The following ASTE1 variants were observed in gnomAD, a reference collection of about 807,000 sequenced individuals.
ASTE1 encodes asteroid structure-specific endonuclease 1.
ASTE1 carries 49 observed loss-of-function variants against 45.8 expected under a neutral mutation model. The observed-to-expected ratio is 1.07, with a 90% CI of 0.85 to 1.36. ASTE1 has a LOEUF of 1.36. Ranked by LOEUF, ASTE1 falls within the 40% of genes most tolerant of loss-of-function variation. The pLI is 0.00. For missense variants in ASTE1, 709 were observed against 804.0 expected (o/e 0.88, Z 1.43); for synonymous variants, 296 against 303.9 (o/e 0.97, Z 0.27).
At chr3:131,018,484 C>T in intron 4 of ASTE1, 22 bp downstream of exon 4, 1 of 1,604,114 alleles carries the variant, frequency 6.2e-7, no homozygotes, top group South Asian at 1.1e-5. Context: ...ACAATATACT[C>T]CTGTAATTTC....
intron 1 of ASTE1, among the ~76,000 whole-genome samples, chr3:131,025,835 T>C (rs764974433): frequency 2.6e-5 from 4 of 152,250 alleles, no homozygotes; most frequent in Admixed American, 1.3e-4. Context: ...TTCTTTTGTA[T>C]TGACAATCAG....
intron 4 of ASTE1, among the ~76,000 whole-genome samples, chr3:131,018,122 T>C (rs2063688001): frequency 6.6e-6 from 1 of 152,202 alleles, no homozygotes; most frequent in Admixed American, 6.5e-5. Flanking sequence ...GTTTCACTTC[T>C]GGGCAAGTTT....
rs114440967 is a variant in ASTE1 at position 131,019,598 on chromosome 3, T to C, written c.1303-882A>G. On this transcript the variant is annotated intron_variant, in intron 3 of 5. Coordinates refer to ENST00000264992, the MANE Select transcript of ASTE1 (RefSeq NM_014065.4). Reference sequence around the variant, plus strand: ...ACTCAGGAATATTAAAAGGTCATCTTCTGGGGGACTTTATAATCAAACTTT... The same window carrying C: ...ACTCAGGAATATTAAAAGGTCATCTCCTGGGGGACTTTATAATCAAACTTT... Among the ~76,000 whole-genome samples the C allele has an allele frequency of 3.4e-3, 517 of 152,344 alleles. 1 individual carries two copies. Among genetic ancestry groups the C allele is most frequent in the African/African-American group, 0.012 (490 of 41,578 alleles).
chr3:131,017,249 C>A (rs1322894544), intron 4 of ASTE1, among the ~76,000 whole-genome samples: 2 of 152,220 alleles, frequency 1.3e-5, no homozygotes, highest in African/African-American at 4.8e-5. Flanking sequence ...TAACAACAGT[C>A]CCTCTGACAG....
At position 131,014,038 on chromosome 3, in the gene ASTE1, G is replaced by C. The variant is rs1389783854; in HGVS notation, c.*19C>G. The stretch of plus-strand genomic sequence containing the variant: ...GTAAGGATTATATTAAATACATCTA[G>C]TTTGATGCAAACTGAGTTTTATTCA... On this transcript the variant is annotated 3_prime_UTR_variant, in exon 6 of 6. Transcript: ENST00000264992. 6.6e-7 allele frequency: 1 copy of C among 1,507,774 alleles called. No individual in the cohort carries two copies. Among genetic ancestry groups the C allele is most frequent in the African/African-American group, 1.4e-5 (1 of 71,184 alleles). 93.4% of individuals were successfully genotyped at this position (1,507,774 alleles called of 1,614,324 possible).
At chr3:131,017,962 T>C (rs2063680747) in intron 4 of ASTE1, among the ~76,000 whole-genome samples, 1 of 90,404 alleles carries the variant, frequency 1.1e-5, no homozygotes. Flanking sequence ...AGAGTGAGAC[T>C]CCATCTCAAA....
Position 131,024,433 on chromosome 3 carries a change from G to A in ASTE1, c.874C>T (p.Leu292Phe), listed in dbSNP as rs557440369. 1.2e-6 allele frequency: 2 copies of A among 1,614,230 alleles called. No individual in the cohort carries two copies. Among genetic ancestry groups the A allele is most frequent in the African/African-American group, 2.7e-5 (2 of 75,062 alleles). Residue 292 changes from leucine to phenylalanine, a missense_variant, in exon 3 of 6, where the codon CTC (leucine) becomes TTC (phenylalanine). Leu to Phe is a conservative substitution (Grantham distance 22). Coordinates refer to ENST00000264992, the MANE Select transcript of ASTE1 (RefSeq NM_014065.4). ...TGGTATTCTTCCATGGAACAGCAGA[G>A]AAGTTCCTTAACATTTTCTCGATCC... The part of the protein sequence containing the change: ...KKDRENVKEL[L>F]CCSMEEYQQS...
At chr3:131,015,282 G>T (rs927938330) in intron 5 of ASTE1, 2 of 695,290 alleles carry the variant, frequency 2.9e-6, no homozygotes, top group Admixed American at 2.1e-5. Flanking sequence ...AAATAGACAA[G>T]CCCCTCCCCC....
chr3:131,024,033 T>A lies in ASTE1; in HGVS notation c.1274A>T (p.Asp425Val). 1 of 1,609,480 alleles carries A rather than the reference T, an allele frequency of 6.2e-7. No homozygotes were observed. The highest frequency in any genetic ancestry group is 1.1e-5 in the South Asian group (1 of 90,750). ...AGTCAATCTGCTTAAGTCAGAATGA[T>A]CCTTGGCCAGTTCTACTGCATCAAT... ...SIIDAVELAK[D>V]HSDLSRLTEL... Residue 425 changes from aspartate (D) to valine (V), a missense_variant, in exon 3 of 6, where the codon GAT becomes GTT. Coordinates refer to ENST00000264992, the MANE Select transcript of ASTE1 (RefSeq NM_014065.4).
chr3:131,019,466 A>G (rs1577106569), intron 3 of ASTE1, among the ~76,000 whole-genome samples: 1 of 152,252 alleles, frequency 6.6e-6, no homozygotes, highest in Non-Finnish European at 1.5e-5. Context: ...ATAAAAGCTC[A>G]GAAGTAAAAC....
intron 3 of ASTE1, among the ~76,000 whole-genome samples, chr3:131,023,802 C>G (rs1196265035): frequency 6.6e-6 from 1 of 152,112 alleles, no homozygotes; most frequent in Non-Finnish European, 1.5e-5. Flanking sequence ...GCTAAAAGAG[C>G]TAGGTTTGAG....
At position 131,025,317 on chromosome 3, in the gene ASTE1, TA is replaced by T; in HGVS notation, c.-12del. 1 of 1,601,600 alleles carries T rather than the reference TA, an allele frequency of 6.2e-7. No homozygotes were observed. Among genetic ancestry groups the T allele is most frequent in the Non-Finnish European group, 8.5e-7 (1 of 1,173,148 alleles). ...TCCTCGGATACCCATGATGACAGTC[TA>T]AAGAATTAATCGCCTGTTTAAAACA... On this transcript the variant is annotated 5_prime_UTR_variant, in exon 3 of 6. Coordinates refer to ENST00000264992, the MANE Select transcript of ASTE1 (RefSeq NM_014065.4).
In ASTE1 at chr3:131,024,936, A is replaced by G; in HGVS notation, c.371T>C (p.Ile124Thr). The change falls in exon 3 of 6, where the codon ATA (isoleucine) becomes ACA (threonine). Residue 124 changes from isoleucine to threonine, a missense_variant. By Grantham distance (89) the Ile-to-Thr change is moderately conservative (BLOSUM62 -1). Coordinates refer to ENST00000264992, the MANE Select transcript of ASTE1 (RefSeq NM_014065.4). ...VCPLLIREVFIQVLIKLRVCF... is the reference protein window; with the variant it reads ...VCPLLIREVFTQVLIKLRVCF... ...CACCCGCAGCTTGATCAAAACCTGTATGAATACTTCCCGGATGAGTAAGGG... is the reference window on the plus strand; with the variant it reads ...CACCCGCAGCTTGATCAAAACCTGTGTGAATACTTCCCGGATGAGTAAGGG... The G allele has an allele frequency of 6.2e-7, 1 of 1,613,762 alleles. No homozygotes were observed. The highest frequency in any genetic ancestry group is 8.5e-7 in the Non-Finnish European group (1 of 1,179,778).
At chr3:131,019,709 A>G (rs764368968) in intron 3 of ASTE1, among the ~76,000 whole-genome samples, 5 of 152,254 alleles carry the variant, frequency 3.3e-5, no homozygotes, top group Non-Finnish European at 7.3e-5. Context: ...TGGTAATAAC[A>G]TTTCTCAGCA....
In ASTE1 at chr3:131,024,587, A is replaced by ACG; in HGVS notation, c.718_719dup (p.Leu241ValfsTer21). 1 of 1,612,896 alleles carries ACG rather than the reference A, an allele frequency of 6.2e-7. No individual in the cohort carries two copies. Among genetic ancestry groups the ACG allele is most frequent in the Non-Finnish European group, 8.5e-7 (1 of 1,179,380 alleles). The stretch of plus-strand genomic sequence containing the variant: ...TAGAACTGGTAGCTCCAAGAGGAAG[A>ACG]CGCGCTTTACTTAAGAATGTCTCCA... On this transcript the variant is annotated frameshift_variant, in exon 3 of 6. Coordinates refer to ENST00000264992, the MANE Select transcript of ASTE1 (RefSeq NM_014065.4). LOFTEE classifies it high-confidence loss of function.
At chr3:131,015,130 T>C (rs2063539269) in intron 5 of ASTE1, 1 of 658,204 alleles carries the variant, frequency 1.5e-6, no homozygotes. Context: ...AGCTCAGATA[T>C]AAGGCCCAGA....
intron 4 of ASTE1, chr3:131,016,875 C>G: frequency 5.6e-6 from 4 of 717,850 alleles, no homozygotes; most frequent in Non-Finnish European, 8.0e-6. Context: ...AGCAACAATC[C>G]TAGGAAATAA....
Position 131,015,124 on chromosome 3 carries a change from C to G in ASTE1, c.1710-737G>C, listed in dbSNP as rs984326364. The stretch of plus-strand genomic sequence containing the variant: ...CCAATTAGTCTTATTTGTGTTAGCT[C>G]AGATATAAGGCCCAGAGATATATTA... On this transcript the variant is annotated intron_variant, in intron 5 of 5. Transcript: ENST00000264992. 5 of 643,142 alleles carry G rather than the reference C, an allele frequency of 7.8e-6. No homozygotes were observed. The Admixed American group carries it at 1.0e-4, about 13-fold the overall frequency. 39.8% of individuals were successfully genotyped at this position (643,142 alleles called of 1,614,324 possible).
chr3:131,014,493 T>G (rs2063494899), intron 5 of ASTE1, 106 bp from the exon 6 acceptor site: 1 of 1,070,352 alleles, frequency 9.3e-7, no homozygotes, highest in South Asian at 1.7e-5. Context: ...ATGAGAGCTC[T>G]TATTGCTCTA....
Sources: allele counts gnomAD v4.1 joint callset (sites outside exome capture counted in the v4.1 genomes callset), GRCh38; gene constraint gnomAD v4.1.1; transcripts MANE v1.5; gene names NCBI Gene and HGNC (gene_info 2026-07-23, HGNC 2026-07-21).